Variants in CCDC7 observed in about 807,000 individuals in gnomAD.
CCDC7 encodes coiled-coil domain containing 7, also known as coiled-coil domain-containing protein 7.
Under a neutral mutation model 196.9 loss-of-function variants are expected in CCDC7, and 183 were observed. That is an observed-to-expected ratio of 0.93 (90% CI 0.82 to 1.05). CCDC7 has a LOEUF of 1.05. CCDC7 is among the 50% of genes least tolerant of loss of function. The pLI, the probability that CCDC7 is intolerant of heterozygous loss-of-function variation, is 0.00. For missense variants in CCDC7, 1,540 were observed against 1,482.2 expected (o/e 1.04, Z -0.64); for synonymous variants, 525 against 484.6 (o/e 1.08, Z -1.10).
rs151193542 is a variant in CCDC7, at chr10:32,755,715, G to T, written c.2906-23262G>T. Among the ~76,000 whole-genome samples, 264 of 152,246 alleles carry T rather than the reference G, an allele frequency of 1.7e-3. 2 individuals are homozygous for T. Among genetic ancestry groups the T allele is most frequent in the African/African-American group, 4.8e-3 (198 of 41,562 alleles). On this transcript the variant is annotated intron_variant, in intron 28 of 41. Coordinates refer to ENST00000639629, the Ensembl canonical transcript of CCDC7. ...GCCTCTTCTCCTCCAAAGGAATGCA[G>T]ATCCTCGCAAGCAGCAGAACAAAGC...
intron 20 of CCDC7, 130 bp from the exon 22 acceptor site, chr10:32,663,924 A>G (rs941715148): frequency 2.2e-5 from 8 of 360,110 alleles, no homozygotes; most frequent in Non-Finnish European, 3.5e-5. Flanking sequence ...ATCTAGAATT[A>G]TAGTAATTTA....
At chr10:32,478,624 T>A (rs569219518) in intron 8 of CCDC7, among the ~76,000 whole-genome samples, 12 of 152,310 alleles carry the variant, frequency 7.9e-5, no homozygotes, top group Admixed American at 7.2e-4. Context: ...TTTTTGAATA[T>A]TGGACTAGCC....
chr10:32,704,387 T>C (rs1374389345), intron 24 of CCDC7, among the ~76,000 whole-genome samples: 1 of 152,024 alleles, frequency 6.6e-6, no homozygotes, highest in Non-Finnish European at 1.5e-5. Context: ...CTTAGAGGAG[T>C]ACCCAGCTGT....
At chr10:32,486,382 T>G (rs1423352546) in intron 8 of CCDC7, among the ~76,000 whole-genome samples, 1 of 151,674 alleles carries the variant, frequency 6.6e-6, no homozygotes, top group Admixed American at 6.6e-5. Context: ...ATTTTGAGCC[T>G]GTGTGTGTCT....
intron 18 of CCDC7, among the ~76,000 whole-genome samples, chr10:32,602,102 T>C (rs2061097005): frequency 6.6e-6 from 1 of 152,130 alleles, no homozygotes; most frequent in Non-Finnish European, 1.5e-5. Flanking sequence ...TTATAAGCTG[T>C]AACACTCACT....
intron 32 of CCDC7, among the ~76,000 whole-genome samples, chr10:32,832,730 A>G (rs946645798): frequency 6.6e-6 from 1 of 152,140 alleles, no homozygotes; most frequent in Non-Finnish European, 1.5e-5. Flanking sequence ...AATTTTTTCA[A>G]CAAAAGCATT....
intron 3 of CCDC7, among the ~76,000 whole-genome samples, chr10:32,460,161 T>G (rs2035324770): frequency 6.6e-6 from 1 of 152,120 alleles, no homozygotes; most frequent in South Asian, 2.1e-4. Flanking sequence ...TATAAATAAT[T>G]CATAAAGAGA....
At chr10:32,670,724 T>G (rs1396091918) in intron 21 of CCDC7, among the ~76,000 whole-genome samples, 1 of 152,154 alleles carries the variant, frequency 6.6e-6, no homozygotes, top group African/African-American at 2.4e-5. Context: ...CGTGAACTCA[T>G]CATTTCAAAA....
chr10:32,629,649 T>C (rs1458589456), intron 18 of CCDC7, among the ~76,000 whole-genome samples: 1 of 152,050 alleles, frequency 6.6e-6, no homozygotes, highest in Non-Finnish European at 1.5e-5. Flanking sequence ...GGAGTTGCCT[T>C]TGAAGCAAGC....
chr10:32,494,188 T>G (rs1245706194), intron 9 of CCDC7, among the ~76,000 whole-genome samples: 1 of 152,210 alleles, frequency 6.6e-6, no homozygotes, highest in Non-Finnish European at 1.5e-5. Flanking sequence ...TTTAAGTTTT[T>G]AATTCATTTT....
intron 13 of CCDC7, among the ~76,000 whole-genome samples, chr10:32,562,728 G>GA (rs532246708): frequency 0.056 from 8,406 of 150,934 alleles, 806 homozygotes; most frequent in African/African-American, 0.2. Context: ...CATTCCCTTT[G>GA]AAACTGGCAC....
chr10:32,599,442 CT>C (rs2060764178), intron 18 of CCDC7, among the ~76,000 whole-genome samples: 1 of 152,144 alleles, frequency 6.6e-6, no homozygotes, highest in East Asian at 1.9e-4. Context: ...GGGGAACTTG[CT>C]TTTGTCATTA....
chr10:32,747,860 G>A (rs979541577), intron 28 of CCDC7, among the ~76,000 whole-genome samples: 2 of 152,120 alleles, frequency 1.3e-5, no homozygotes, highest in Admixed American at 6.5e-5. Context: ...CCCCATTACT[G>A]GTTATATAGC....
chr10:32,770,637 C>T (rs1205290201), intron 28 of CCDC7, among the ~76,000 whole-genome samples: 1 of 152,192 alleles, frequency 6.6e-6, no homozygotes, highest in Non-Finnish European at 1.5e-5. Flanking sequence ...TTTATTTGTT[C>T]TAGCATGTCA....
At chr10:32,817,077 A>G (rs1465055755) in intron 31 of CCDC7, among the ~76,000 whole-genome samples, 1 of 152,144 alleles carries the variant, frequency 6.6e-6, no homozygotes, top group South Asian at 2.1e-4. Flanking sequence ...CGAAGAAGTT[A>G]AAAACCTTGA....
intron 13 of CCDC7, among the ~76,000 whole-genome samples, chr10:32,559,841 A>C (rs947845960): frequency 1.3e-5 from 2 of 152,244 alleles, no homozygotes; most frequent in African/African-American, 4.8e-5. Context: ...TGACGAGTTG[A>C]GAGAAGAAGG....
chr10:32,621,544 C>T (rs367668364), intron 18 of CCDC7, among the ~76,000 whole-genome samples: 2 of 152,132 alleles, frequency 1.3e-5, no homozygotes, highest in African/African-American at 4.8e-5. Context: ...ATAATGGATG[C>T]TGAGAAGTCC....
At chr10:32,596,626 T>G (rs1396614010) in intron 18 of CCDC7, among the ~76,000 whole-genome samples, 1 of 152,242 alleles carries the variant, frequency 6.6e-6, no homozygotes, top group East Asian at 1.9e-4. Context: ...CTTCCTAGCC[T>G]CGACGATCTT....
chr10:32,804,541 A>G (rs916114900), intron 29 of CCDC7, among the ~76,000 whole-genome samples: 14 of 152,178 alleles, frequency 9.2e-5, no homozygotes, highest in Admixed American at 9.2e-4. Flanking sequence ...CTGCACTATA[A>G]TAATTTCCTG....
Sources: allele counts gnomAD v4.1 joint callset (sites outside exome capture counted in the v4.1 genomes callset), GRCh38; gene constraint gnomAD v4.1.1; transcripts MANE v1.5; gene names NCBI Gene and HGNC (gene_info 2026-07-23, HGNC 2026-07-21).